Variants in METTL16 observed in about 807,000 individuals in gnomAD.
METTL16 encodes the protein methyltransferase 16, RNA N6-adenosine.
In METTL16, 19 loss-of-function variants were observed where a neutral mutation model predicts 57.9. The observed-to-expected ratio is 0.33, with a 90% CI of 0.23 to 0.48. The LOEUF is 0.48. Among genes scored for constraint, METTL16 ranks in the 20% least tolerant of loss-of-function variants. The probability of loss-of-function intolerance (pLI) is 0.99; values close to 1 mark genes in which losing one functional copy is unlikely to be tolerated. For missense variants in METTL16, 434 were observed against 691.5 expected (o/e 0.63, Z 4.18); for synonymous variants, 246 against 255.6 (o/e 0.96, Z 0.36).
intron 1 of METTL16, among the ~76,000 whole-genome samples, chr17:2,505,321 T>C (rs967805354): frequency 6.6e-6 from 1 of 151,058 alleles, no homozygotes; most frequent in Non-Finnish European, 1.5e-5. Flanking sequence ...TCACCACTTC[T>C]GTAGGTTTTA....
chr17:2,441,649 T>TAAAA, intron 6 of METTL16, 90 bp from the exon 7 acceptor site: 1 of 711,302 alleles, frequency 1.4e-6, no homozygotes, highest in Admixed American at 3.9e-5. Context: ...ATGAGAACAG[T>TAAAA]AACAAACAAA....
chr17:2,424,214 CG>C (rs1238938306), intron 8 of METTL16: 2 of 149,660 alleles, frequency 1.3e-5, no homozygotes, highest in Non-Finnish European at 3.0e-5. Context: ...CCCGGGTTCA[CG>C]CCATTCTCCT....
Position 2,417,887 on chromosome 17 carries a change from T to C in METTL16, c.*2083A>G, listed in dbSNP as rs1567876865. The C allele has an allele frequency of 2.0e-5, 3 of 152,338 alleles. No homozygotes were observed. The highest frequency in any genetic ancestry group is 1.5e-5 in the Non-Finnish European group (1 of 68,034). The allele number at this position is 152,338 out of a possible 1,614,324, so 9.4% of individuals were successfully genotyped here. A position where few individuals can be genotyped will look rare whatever the true frequency, so the allele number is the denominator to read the frequency against. ...TACTTACTACTTACTGAATGAATAG[T>C]TGCCACTTAAACAATTATCCTAAAA... On this transcript the variant is annotated 3_prime_UTR_variant, in exon 10 of 10. Coordinates refer to ENST00000263092, the MANE Select transcript of METTL16 (RefSeq NM_024086.4).
chr17:2,448,242 G>A, intron 6 of METTL16, among the ~76,000 whole-genome samples: 1 of 134,350 alleles, frequency 7.4e-6, no homozygotes, highest in African/African-American at 2.7e-5. Flanking sequence ...TCTGGGAGGT[G>A]TGCCCAGCGG....
intron 8 of METTL16, among the ~76,000 whole-genome samples, chr17:2,425,117 A>G (rs1387704657): frequency 6.6e-6 from 1 of 152,228 alleles, no homozygotes; most frequent in Non-Finnish European, 1.5e-5. Context: ...ATCAAGTTCT[A>G]AGAAATTAAT....
At chr17:2,450,090 C>T (rs2067057395) in intron 6 of METTL16, among the ~76,000 whole-genome samples, 1 of 152,166 alleles carries the variant, frequency 6.6e-6, no homozygotes, top group African/African-American at 2.4e-5. Flanking sequence ...GTTAAACATA[C>T]ACTTACAACA....
At chr17:2,473,777 C>A in intron 3 of METTL16, 113 bp from the exon 4 acceptor site, 1 of 1,157,774 alleles carries the variant, frequency 8.6e-7, no homozygotes, top group Non-Finnish European at 1.2e-6. Flanking sequence ...CTCACTCTGT[C>A]GCCCAGGCTA....
intron 6 of METTL16, among the ~76,000 whole-genome samples, chr17:2,444,600 T>C (rs2066980464): frequency 1.3e-5 from 2 of 152,202 alleles, no homozygotes; most frequent in Non-Finnish European, 2.9e-5. Flanking sequence ...TACAATACTA[T>C]ACAGTGATGT....
intron 6 of METTL16, among the ~76,000 whole-genome samples, chr17:2,458,356 C>G (rs950042904): frequency 4.0e-5 from 6 of 151,470 alleles, no homozygotes; most frequent in East Asian, 1.9e-4. Flanking sequence ...GAACTGGTAA[C>G]CAATGACAAG....
intron 8 of METTL16, among the ~76,000 whole-genome samples, chr17:2,422,047 C>G (rs2066770345): frequency 6.6e-6 from 1 of 152,142 alleles, no homozygotes; most frequent in Non-Finnish European, 1.5e-5. Context: ...CGCGGTGGCT[C>G]ATGCTTGTAA....
At chr17:2,453,708 A>G (rs1283601731) in intron 6 of METTL16, among the ~76,000 whole-genome samples, 1 of 152,172 alleles carries the variant, frequency 6.6e-6, no homozygotes, top group African/African-American at 2.4e-5. Flanking sequence ...CAATTGTTCC[A>G]CGAATCAATT....
chr17:2,470,321 C>T (rs922783514), intron 4 of METTL16, among the ~76,000 whole-genome samples: 1 of 151,658 alleles, frequency 6.6e-6, no homozygotes, highest in African/African-American at 2.4e-5. Flanking sequence ...AAAAAAAAAC[C>T]CCAAAACGTG....
At chr17:2,481,953 T>A (rs1355914594) in intron 2 of METTL16, among the ~76,000 whole-genome samples, 3 of 152,166 alleles carry the variant, frequency 2.0e-5, no homozygotes, top group Non-Finnish European at 2.9e-5. Flanking sequence ...TGCTTTTAGA[T>A]GTCCACACAG....
intron 6 of METTL16, among the ~76,000 whole-genome samples, chr17:2,444,518 G>T (rs759677145): frequency 6.6e-6 from 1 of 152,048 alleles, no homozygotes; most frequent in Non-Finnish European, 1.5e-5. Flanking sequence ...TAGTGATGTC[G>T]TAGCTGTTGC....
intron 8 of METTL16, among the ~76,000 whole-genome samples, chr17:2,430,412 C>CT (rs903960118): frequency 0.05 from 5,894 of 118,486 alleles, 503 homozygotes; most frequent in East Asian, 0.11. Flanking sequence ...TTAGAATTCT[C>CT]TTTTTTTTTT....
At chr17:2,432,843 T>C (rs903553315) in intron 8 of METTL16, among the ~76,000 whole-genome samples, 2 of 152,184 alleles carry the variant, frequency 1.3e-5, no homozygotes, top group African/African-American at 4.8e-5. Flanking sequence ...TTAAGTACAC[T>C]TAATCCTCAA....
chr17:2,423,684 G>A (rs1316542851), intron 8 of METTL16, among the ~76,000 whole-genome samples: 1 of 152,038 alleles, frequency 6.6e-6, no homozygotes, highest in Non-Finnish European at 1.5e-5. Context: ...CTACAAGCAT[G>A]GCTAAAAGGG....
At chr17:2,422,999 A>G (rs2066778951) in intron 8 of METTL16, among the ~76,000 whole-genome samples, 1 of 152,050 alleles carries the variant, frequency 6.6e-6, no homozygotes, top group Admixed American at 6.6e-5. Context: ...ACAACAACAA[A>G]AAGGATAAAA....
At chr17:2,461,849 G>A (rs550017600) in intron 6 of METTL16, among the ~76,000 whole-genome samples, 2 of 152,134 alleles carry the variant, frequency 1.3e-5, no homozygotes, top group Non-Finnish European at 2.9e-5. Flanking sequence ...AGAGTGCTGG[G>A]ATTACAGGTG....
Sources: allele counts gnomAD v4.1 joint callset (sites outside exome capture counted in the v4.1 genomes callset), GRCh38; gene constraint gnomAD v4.1.1; transcripts MANE v1.5; gene names NCBI Gene and HGNC (gene_info 2026-07-23, HGNC 2026-07-21).